The following ATG4C variants were observed in gnomAD, a reference collection of about 807,000 sequenced individuals.
The protein encoded by ATG4C is autophagy related 4C cysteine peptidase, also known as cysteine protease ATG4C.
Under a neutral mutation model 57.6 loss-of-function variants are expected in ATG4C, and 56 were observed. The observed-to-expected ratio is 0.97, with a 90% CI of 0.78 to 1.21. ATG4C has a LOEUF of 1.21. Among genes scored for constraint, ATG4C ranks in the 50% most tolerant of loss-of-function variants. ATG4C has a pLI of 0.00. For missense variants in ATG4C, 595 were observed against 529.8 expected (o/e 1.12, Z -1.21); for synonymous variants, 157 against 174.1 (o/e 0.90, Z 0.78).
intron 1 of ATG4C, among the ~76,000 whole-genome samples, chr1:62,792,089 C>T (rs530346169): frequency 5.5e-4 from 83 of 152,206 alleles, no homozygotes; most frequent in African/African-American, 1.8e-3. Context: ...CCTCTGCCTC[C>T]GGGGTTCAAG....
intron 9 of ATG4C, among the ~76,000 whole-genome samples, chr1:62,835,216 T>G (rs1665962063): frequency 6.6e-6 from 1 of 151,064 alleles, no homozygotes; most frequent in South Asian, 2.1e-4. Context: ...TAGAAAGGGA[T>G]AGACGGGTTA....
chr1:62,820,727 G>C (rs1002875249), intron 5 of ATG4C, among the ~76,000 whole-genome samples: 1 of 151,908 alleles, frequency 6.6e-6, no homozygotes, highest in African/African-American at 2.4e-5. Flanking sequence ...TTTAAAGAAC[G>C]AACAGTTTCT....
chr1:62,798,574 T>C (rs1664548847), intron 1 of ATG4C, among the ~76,000 whole-genome samples: 1 of 152,198 alleles, frequency 6.6e-6, no homozygotes, highest in Non-Finnish European at 1.5e-5. Flanking sequence ...CCAACATGGC[T>C]CAAGGGATCA....
intron 10 of ATG4C, among the ~76,000 whole-genome samples, chr1:62,843,150 A>T (rs887518320): frequency 2.7e-5 from 4 of 148,554 alleles, no homozygotes; most frequent in East Asian, 3.9e-4. Flanking sequence ...TTACCAAATT[A>T]AAAAAAAAAG....
At chr1:62,814,607 A>G (rs1026577279) in intron 3 of ATG4C, among the ~76,000 whole-genome samples, 1 of 152,194 alleles carries the variant, frequency 6.6e-6, no homozygotes, top group African/African-American at 2.4e-5. Context: ...AATAAAAAAT[A>G]TAGCCACTTC....
chr1:62,856,178 C>T (rs939184372), intron 10 of ATG4C, among the ~76,000 whole-genome samples: 1 of 152,168 alleles, frequency 6.6e-6, no homozygotes, highest in African/African-American at 2.4e-5. Flanking sequence ...TTTGAAATCA[C>T]TTTAGTGTTT....
At chr1:62,849,920 ATTTC>A (rs1666451123) in intron 10 of ATG4C, among the ~76,000 whole-genome samples, 1 of 152,036 alleles carries the variant, frequency 6.6e-6, no homozygotes, top group African/African-American at 2.4e-5. Flanking sequence ...TGTTTTAGTT[ATTTC>A]TTTTAAGGTG....
chr1:62,828,936 A>G, intron 6 of ATG4C, 104 bp from the exon 7 acceptor site: 1 of 989,348 alleles, frequency 1.0e-6, no homozygotes, highest in South Asian at 1.7e-5. Context: ...CAGAGATGAG[A>G]TAGCTGGCTG....
At chr1:62,804,199 G>C (rs1380807372) in intron 2 of ATG4C, among the ~76,000 whole-genome samples, 2 of 150,744 alleles carry the variant, frequency 1.3e-5, no homozygotes, top group African/African-American at 4.9e-5. Flanking sequence ...TGATTCTTCT[G>C]CCTCAGCCTC....
At chr1:62,784,904 T>C (rs1664032064) in intron 1 of ATG4C, among the ~76,000 whole-genome samples, 2 of 152,236 alleles carry the variant, frequency 1.3e-5, no homozygotes, top group Non-Finnish European at 2.9e-5. Context: ...ATGACTATAT[T>C]CATATATGAG....
chr1:62,850,108 T>C (rs542577290), intron 10 of ATG4C, among the ~76,000 whole-genome samples: 1 of 152,230 alleles, frequency 6.6e-6, no homozygotes, highest in East Asian at 1.9e-4. Context: ...TAAAGTAAAA[T>C]AACAAATGAA....
chr1:62,823,547 A>G (rs1174091128), intron 6 of ATG4C, among the ~76,000 whole-genome samples: 2 of 152,146 alleles, frequency 1.3e-5, no homozygotes, highest in African/African-American at 4.8e-5. Context: ...TTTTTGGTCC[A>G]TCTGATCAAA....
intron 1 of ATG4C, among the ~76,000 whole-genome samples, chr1:62,801,258 G>A (rs934643214): frequency 2.1e-4 from 32 of 152,192 alleles, no homozygotes; most frequent in African/African-American, 7.5e-4. Flanking sequence ...TGTGTTTATA[G>A]CTTTCATTCT....
At chr1:62,803,399 G>A (rs1451595462) in intron 1 of ATG4C, among the ~76,000 whole-genome samples, 2 of 152,148 alleles carry the variant, frequency 1.3e-5, no homozygotes, top group African/African-American at 4.8e-5. Flanking sequence ...CCAGAGCAGA[G>A]CTGTGTTACT....
At chr1:62,811,511 G>A (rs1055260824) in intron 3 of ATG4C, among the ~76,000 whole-genome samples, 1 of 152,054 alleles carries the variant, frequency 6.6e-6, no homozygotes, top group Non-Finnish European at 1.5e-5. Context: ...CTTACAATTT[G>A]TCTGTGAGCT....
intron 10 of ATG4C, among the ~76,000 whole-genome samples, chr1:62,846,118 C>T (rs1666319441): frequency 1.3e-5 from 2 of 152,260 alleles, no homozygotes; most frequent in South Asian, 4.1e-4. Context: ...TGTTTTCATC[C>T]CTATGACTCC....
chr1:62,810,759 T>G (rs1027720897), intron 3 of ATG4C, among the ~76,000 whole-genome samples: 1 of 151,300 alleles, frequency 6.6e-6, no homozygotes, highest in Admixed American at 6.6e-5. Context: ...GACCATAATC[T>G]GAGTGCAAAG....
At chr1:62,815,347 A>C (rs1262030608) in intron 3 of ATG4C, among the ~76,000 whole-genome samples, 2 of 152,074 alleles carry the variant, frequency 1.3e-5, no homozygotes, top group Non-Finnish European at 2.9e-5. Context: ...GTCTGCCTTC[A>C]AGTGATATAC....
intron 1 of ATG4C, among the ~76,000 whole-genome samples, chr1:62,786,449 G>A (rs980364388): frequency 6.6e-6 from 1 of 151,598 alleles, no homozygotes; most frequent in African/African-American, 2.4e-5. Flanking sequence ...GATAACTAGG[G>A]AATGTTTCAT....
Sources: gnomAD v4.1 joint callset for allele counts (sites outside exome capture counted in the v4.1 genomes callset) on GRCh38, gnomAD v4.1.1 for gene constraint, MANE v1.5 for transcripts, NCBI Gene and HGNC (gene_info 2026-07-23, HGNC 2026-07-21) for gene names.